CCDC170: variants seen among roughly 807,000 people sequenced by gnomAD.
CCDC170 encodes coiled-coil domain containing 170.
Under a neutral mutation model 72.6 loss-of-function variants are expected in CCDC170, and 69 were observed. That is an observed-to-expected ratio of 0.95 (90% CI 0.78 to 1.16). The LOEUF (loss-of-function observed/expected upper bound fraction) is 1.16, where lower values mean the gene tolerates loss of function less well. CCDC170 is among the 50% of genes most tolerant of loss of function. The pLI is 0.00. For synonymous variants in CCDC170, 300 were observed against 303.9 expected (o/e 0.99, Z 0.13); for missense variants, 852 against 832.5 (o/e 1.02, Z -0.29).
intron 9 of CCDC170, among the ~76,000 whole-genome samples, chr6:151,614,591 A>G (rs12178349): frequency 0.03 from 4,445 of 150,338 alleles, 188 homozygotes; most frequent in African/African-American, 0.099. Context: ...AGTAGCTGGG[A>G]TTACAGGTGC....
intron 10 of CCDC170, among the ~76,000 whole-genome samples, chr6:151,616,265 G>A (rs190687801): frequency 6.6e-6 from 1 of 152,022 alleles, no homozygotes; most frequent in Non-Finnish European, 1.5e-5. Context: ...CTTGATGGCC[G>A]ACCAGGCACA....
chr6:151,541,722 A>G (rs1782693515), intron 3 of CCDC170, among the ~76,000 whole-genome samples: 1 of 150,896 alleles, frequency 6.6e-6, no homozygotes, highest in Admixed American at 6.6e-5. Flanking sequence ...AGCTATAATT[A>G]ATATTAATAT....
chr6:151,558,984 A>T (rs1361440407), intron 5 of CCDC170, among the ~76,000 whole-genome samples: 5 of 149,456 alleles, frequency 3.3e-5, no homozygotes, highest in African/African-American at 1.2e-4. Flanking sequence ...GCTTTGGGTA[A>T]TGTGGTCATT....
intron 8 of CCDC170, among the ~76,000 whole-genome samples, chr6:151,594,656 CTT>C (rs553181579): frequency 2.1e-5 from 3 of 143,434 alleles, no homozygotes; most frequent in Non-Finnish European, 3.1e-5. Flanking sequence ...CTTTTCTTTT[CTT>C]TTTTTTTTTT....
chr6:151,521,782 G>A (rs1479766326), intron 1 of CCDC170, among the ~76,000 whole-genome samples: 5 of 152,028 alleles, frequency 3.3e-5, no homozygotes, highest in Admixed American at 6.5e-5. Context: ...AGGAGATAGC[G>A]ACCATCCTGG....
At chr6:151,534,368 TAA>T (rs111382775) in intron 1 of CCDC170, among the ~76,000 whole-genome samples, 1 of 146,316 alleles carries the variant, frequency 6.8e-6, no homozygotes. Context: ...CTTCTTTTCT[TAA>T]AAAAAAAAAA....
rs1782742302 is a variant in CCDC170 at position 151,544,556 on chromosome 6, G to T, written c.444-16G>T. On this transcript the variant is annotated splice_polypyrimidine_tract_variant and intron_variant, in intron 3 of 10. Coordinates refer to ENST00000239374, the MANE Select transcript of CCDC170 (RefSeq NM_025059.4). ...CATGGTGTTAAATTCTGACTTATTTGTTATTTGCCTAACAGAAAGTGTTCA... is the reference window on the plus strand; with the variant it reads ...CATGGTGTTAAATTCTGACTTATTTTTTATTTGCCTAACAGAAAGTGTTCA... The T allele has an allele frequency of 1.9e-6, 3 of 1,602,110 alleles. No individual in the cohort carries two copies. The highest frequency in any genetic ancestry group is 2.6e-6 in the Non-Finnish European group (3 of 1,170,604).
At chr6:151,606,633 C>A (rs1384585196) in intron 9 of CCDC170, among the ~76,000 whole-genome samples, 1 of 152,140 alleles carries the variant, frequency 6.6e-6, no homozygotes, top group East Asian at 1.9e-4. Context: ...TTAATTAGGT[C>A]AAATTGTTCC....
In CCDC170 at chr6:151,612,456, G is replaced by A. The variant is rs114420514; in HGVS notation, c.1711-2987G>A. Among the ~76,000 whole-genome samples the A allele has an allele frequency of 9.9e-3, 1,512 of 152,060 alleles. 26 individuals carry two copies. The highest frequency in any genetic ancestry group is 0.034 in the African/African-American group (1,403 of 41,484). ...AAAATACAAAGAAATTCATTCATTG[G>A]GGCAGCAACATTCTCATTCCCCTTT... On this transcript the variant is annotated intron_variant, in intron 9 of 10. Coordinates refer to ENST00000239374, the MANE Select transcript of CCDC170 (RefSeq NM_025059.4).
At chr6:151,528,792 C>T (rs4870032) in intron 1 of CCDC170, among the ~76,000 whole-genome samples, 23,611 of 151,794 alleles carry the variant, frequency 0.16, 2,305 homozygotes, top group East Asian at 0.49. Flanking sequence ...GAGCCAAGAT[C>T]GTGCCACTGC....
At chr6:151,499,568 G>A (rs1272520854) in intron 1 of CCDC170, among the ~76,000 whole-genome samples, 2 of 105,840 alleles carry the variant, frequency 1.9e-5, no homozygotes, top group Admixed American at 8.8e-5. Context: ...TACTGTATTT[G>A]ACTATTCTAG....
chr6:151,613,563 G>A (rs1776909539), intron 9 of CCDC170, among the ~76,000 whole-genome samples: 1 of 152,084 alleles, frequency 6.6e-6, no homozygotes, highest in South Asian at 2.1e-4. Context: ...GCCTTTTCTG[G>A]ATCTTTCATA....
intron 6 of CCDC170, among the ~76,000 whole-genome samples, chr6:151,575,407 T>G (rs1776286495): frequency 7.2e-6 from 1 of 138,680 alleles, no homozygotes; most frequent in Non-Finnish European, 1.5e-5. Flanking sequence ...CACTCCAGCC[T>G]GGGCAACAGA....
intron 1 of CCDC170, among the ~76,000 whole-genome samples, chr6:151,501,587 T>C (rs1781995749): frequency 6.6e-6 from 1 of 152,214 alleles, no homozygotes; most frequent in Non-Finnish European, 1.5e-5. Flanking sequence ...ATTTAGTTTC[T>C]CTTGGTATCT....
chr6:151,554,937 G>C (rs1311579078), intron 5 of CCDC170, among the ~76,000 whole-genome samples: 1 of 140,770 alleles, frequency 7.1e-6, no homozygotes, highest in Admixed American at 7.3e-5. Flanking sequence ...GGAGTGCAGT[G>C]GTGTGACCTC....
At chr6:151,582,059 C>A (rs1331803013) in intron 6 of CCDC170, among the ~76,000 whole-genome samples, 5 of 152,206 alleles carry the variant, frequency 3.3e-5, no homozygotes, top group African/African-American at 1.2e-4. Context: ...GCACTGGCCT[C>A]AACTTCAAGT....
At chr6:151,578,636 C>A (rs1040328814) in intron 6 of CCDC170, among the ~76,000 whole-genome samples, 2 of 152,088 alleles carry the variant, frequency 1.3e-5, no homozygotes, top group African/African-American at 4.8e-5. Flanking sequence ...TGAGGGGGAC[C>A]TAATTTAACT....
chr6:151,578,004 C>T (rs1042838369), intron 6 of CCDC170, among the ~76,000 whole-genome samples: 1 of 152,142 alleles, frequency 6.6e-6, no homozygotes, highest in African/African-American at 2.4e-5. Flanking sequence ...CCCCCTCCTC[C>T]CCATTCTGAT....
At chr6:151,525,214 G>A (rs1017453687) in intron 1 of CCDC170, among the ~76,000 whole-genome samples, 3 of 152,280 alleles carry the variant, frequency 2.0e-5, no homozygotes, top group African/African-American at 7.2e-5. Flanking sequence ...TTACAGGCGT[G>A]AGCCACCACA....
Sources: allele counts gnomAD v4.1 joint callset (sites outside exome capture counted in the v4.1 genomes callset), GRCh38; gene constraint gnomAD v4.1.1; transcripts MANE v1.5; gene names NCBI Gene and HGNC (gene_info 2026-07-23, HGNC 2026-07-21).